Variants in ASCC1 observed in about 807,000 individuals in gnomAD.
The protein encoded by ASCC1 is activating signal cointegrator 1 complex subunit 1.
In ASCC1, 35 loss-of-function variants were observed where a neutral mutation model predicts 46.6. That is an observed-to-expected ratio of 0.75 (90% CI 0.57 to 0.99). ASCC1 has a LOEUF of 0.99. Ranked by LOEUF, ASCC1 falls within the 50% of genes least tolerant of loss-of-function variation. ASCC1 has a pLI of 0.00. For missense variants in ASCC1, 376 were observed against 428.7 expected, an observed-to-expected ratio of 0.88 and a Z score of 1.09; for synonymous variants, 143 against 146.6, an observed-to-expected ratio of 0.98 and a Z score of 0.18.
chr10:72,160,802 G>A (rs949704988), intron 6 of ASCC1, among the ~76,000 whole-genome samples: 1 of 147,378 alleles, frequency 6.8e-6, no homozygotes, highest in Admixed American at 6.7e-5. Flanking sequence ...AAAAAAAAGA[G>A]GCCGGGCTTG....
chr10:72,216,292 G>C (rs1295369094), upstream of ASCC1: 3 of 159,634 alleles, frequency 1.9e-5, no homozygotes, highest in Non-Finnish European at 4.2e-5. Context: ...TCCCCAGGCC[G>C]GGTTTGACCG....
chr10:72,213,124 A>G, intron 2 of ASCC1, 63 bp downstream of exon 2: 1 of 1,200,306 alleles, frequency 8.3e-7, no homozygotes, highest in Non-Finnish European at 1.2e-6. Context: ...ACAAACAAAA[A>G]ATTGATCCTA....
intron 9 of ASCC1, among the ~76,000 whole-genome samples, chr10:72,127,564 TA>T (rs1195224082): frequency 2.7e-5 from 4 of 150,712 alleles, no homozygotes; most frequent in South Asian, 2.1e-4. Flanking sequence ...ATTTTCCACT[TA>T]AAAAAAATGC....
At chr10:72,118,537 CAGG>C (rs1276068554) in intron 9 of ASCC1, among the ~76,000 whole-genome samples, 1 of 151,998 alleles carries the variant, frequency 6.6e-6, no homozygotes, top group African/African-American at 2.4e-5. Flanking sequence ...CCTAACACTT[CAGG>C]AGGCCAAGGC....
At chr10:72,214,866 T>C (rs1858870763) in intron 1 of ASCC1, among the ~76,000 whole-genome samples, 1 of 152,214 alleles carries the variant, frequency 6.6e-6, no homozygotes, top group South Asian at 2.1e-4. Flanking sequence ...ACCAACATAC[T>C]GCTGAAGGGG....
intron 5 of ASCC1, among the ~76,000 whole-genome samples, chr10:72,183,698 A>G (rs1157640554): frequency 7.2e-5 from 11 of 152,340 alleles, no homozygotes; most frequent in Admixed American, 5.9e-4. Context: ...TATAAATGCC[A>G]GAAGACAGTA....
At chr10:72,169,294 G>T (rs1323572746) in intron 5 of ASCC1, among the ~76,000 whole-genome samples, 1 of 152,056 alleles carries the variant, frequency 6.6e-6, no homozygotes, top group Non-Finnish European at 1.5e-5. Context: ...AAATTAGCCG[G>T]GTGTGGTGGC....
chr10:72,197,008 G>A lies in ASCC1; in HGVS notation c.311-19C>T, dbSNP rs1486516114. ...GTGATTACTGTAAACAAAGAAGAAAGGGTAAACTGCTCAAGGACCCCCAAA... is the reference window on the plus strand; with the variant it reads ...GTGATTACTGTAAACAAAGAAGAAAAGGTAAACTGCTCAAGGACCCCCAAA... On this transcript the variant is annotated intron_variant, in intron 4 of 9. Coordinates refer to ENST00000672957, the MANE Select transcript of ASCC1 (RefSeq NM_001198800.3). The A allele has an allele frequency of 1.8e-5, 29 of 1,613,230 alleles. No homozygotes were observed. The highest frequency in any genetic ancestry group is 2.5e-5 in the Non-Finnish European group (29 of 1,179,832).
rs753304376 is a variant in ASCC1 at position 72,143,961 on chromosome 10, C to G, written c.746+8908G>C. On this transcript the variant is annotated intron_variant, in intron 7 of 9. Transcript: ENST00000672957. ...ATGAACCCTTTATCATATATAATAG[C>G]CTTCTCTATTGCTAATAATGCATTT... Among the ~76,000 whole-genome samples the G allele has an allele frequency of 9.9e-5, 15 of 151,390 alleles. 1 individual carries two copies. Among genetic ancestry groups the G allele is most frequent in the Admixed American group, 8.6e-4 (13 of 15,138 alleles).
intron 9 of ASCC1, chr10:72,102,777 C>A: frequency 2.9e-6 from 1 of 348,448 alleles, no homozygotes; most frequent in Non-Finnish European, 5.6e-6. Flanking sequence ...GAGCTCAAGA[C>A]CAGCCTGGCC....
chr10:72,212,248 G>C (rs1858251982), intron 2 of ASCC1: 1 of 193,112 alleles, frequency 5.2e-6, no homozygotes, highest in Non-Finnish European at 1.1e-5. Context: ...GGGAGGTAGA[G>C]GTTGCAGAGA....
In ASCC1 at chr10:72,097,216, A is replaced by AC. The variant is rs1308116239; in HGVS notation, c.*117dup. 1.3e-6 allele frequency: 1 copy of AC among 787,744 alleles called. No individual in the cohort carries two copies. Among genetic ancestry groups the AC allele is most frequent in the Admixed American group, 1.7e-5 (1 of 58,004 alleles). 48.8% of individuals were successfully genotyped at this position (787,744 alleles called of 1,614,324 possible). Reference sequence around the variant, plus strand: ...AGAGGCAATGGTGAATCTATGGGGAACCACCCAGGAAAGTCACCATCCAAA... The same window carrying AC: ...AGAGGCAATGGTGAATCTATGGGGAACCCACCCAGGAAAGTCACCATCCAAA... On this transcript the variant is annotated 3_prime_UTR_variant, in exon 10 of 10. Coordinates refer to ENST00000672957, the MANE Select transcript of ASCC1 (RefSeq NM_001198800.3).
At chr10:72,137,963 C>T (rs1846465379) in intron 7 of ASCC1, among the ~76,000 whole-genome samples, 1 of 152,108 alleles carries the variant, frequency 6.6e-6, no homozygotes, top group Admixed American at 6.5e-5. Context: ...CTCCCAGGCT[C>T]AAGCGATTCT....
chr10:72,099,511 G>C (rs1255331184), intron 9 of ASCC1, among the ~76,000 whole-genome samples: 2 of 152,072 alleles, frequency 1.3e-5, no homozygotes, highest in African/African-American at 4.8e-5. Flanking sequence ...GATCATAATG[G>C]GCAAAGACCT....
At chr10:72,107,302 A>ACCC (rs143451737) in intron 9 of ASCC1, among the ~76,000 whole-genome samples, 4 of 142,418 alleles carry the variant, frequency 2.8e-5, no homozygotes, top group Non-Finnish European at 3.0e-5. Flanking sequence ...CAAATAAGTT[A>ACCC]CCCCCCCCCC....
At chr10:72,210,883 A>G in intron 2 of ASCC1, 52 bp from the exon 3 acceptor site, 1 of 1,574,220 alleles carries the variant, frequency 6.4e-7, no homozygotes, top group Non-Finnish European at 8.7e-7. Context: ...TCTGTGGACA[A>G]CAGCTTTCGC....
chr10:72,194,788 G>A (rs531674220), intron 5 of ASCC1, among the ~76,000 whole-genome samples: 2 of 152,262 alleles, frequency 1.3e-5, no homozygotes, highest in Admixed American at 6.5e-5. Context: ...TGTTGCCCAG[G>A]CTGGAGGGCA....
chr10:72,213,063 A>G (rs1858405890), intron 2 of ASCC1, 124 bp downstream of exon 2: 1 of 706,856 alleles, frequency 1.4e-6, no homozygotes, highest in East Asian at 2.8e-5. Context: ...AAATGGAGCT[A>G]TATGAGGCCA....
Position 72,173,220 on chromosome 10 carries a change from T to C in ASCC1, c.490-11546A>G, listed in dbSNP as rs1589457005. On this transcript the variant is annotated intron_variant, in intron 5 of 9. Coordinates refer to ENST00000672957, the MANE Select transcript of ASCC1 (RefSeq NM_001198800.3). ...ATGGTTTAAAATTCCCAGCTTACTATCTCAGTCACTTTGATATTCCATTGC... is the reference window on the plus strand; with the variant it reads ...ATGGTTTAAAATTCCCAGCTTACTACCTCAGTCACTTTGATATTCCATTGC... Among the ~76,000 whole-genome samples the C allele has an allele frequency of 5.9e-5, 9 of 152,030 alleles. No homozygotes were observed. The South Asian group carries it at 1.7e-3, about 28-fold the overall frequency.
Sources: allele counts gnomAD v4.1 joint callset (sites outside exome capture counted in the v4.1 genomes callset), GRCh38; gene constraint gnomAD v4.1.1; transcripts MANE v1.5; gene names NCBI Gene and HGNC (gene_info 2026-07-23, HGNC 2026-07-21).